The following CWC27 variants were observed in gnomAD, a reference collection of about 807,000 sequenced individuals.
The protein encoded by CWC27 is CWC27 spliceosome associated cyclophilin, also known as spliceosome-associated protein CWC27 homolog.
CWC27 carries 47 observed loss-of-function variants against 63.6 expected under a neutral mutation model. The observed-to-expected ratio is 0.74, with a 90% CI of 0.58 to 0.94. CWC27 has a LOEUF of 0.94. CWC27 is among the 40% of genes least tolerant of loss of function. The pLI is 0.00. For synonymous variants in CWC27, 175 were observed against 179.8 expected (o/e 0.97, Z 0.22); for missense variants, 495 against 554.3 (o/e 0.89, Z 1.07).
chr5:64,957,629 A>G (rs557331092), intron 11 of CWC27, among the ~76,000 whole-genome samples: 1 of 152,148 alleles, frequency 6.6e-6, no homozygotes, highest in Non-Finnish European at 1.5e-5. Context: ...TCTTGTGATC[A>G]TTACTAAGAA....
At chr5:64,898,717 AG>A (rs1747437575) in intron 11 of CWC27, among the ~76,000 whole-genome samples, 1 of 152,186 alleles carries the variant, frequency 6.6e-6, no homozygotes, top group Non-Finnish European at 1.5e-5. Flanking sequence ...TGTTTAAATA[AG>A]ATTGAGGATT....
chr5:64,956,271 G>A (rs191817099), intron 11 of CWC27, among the ~76,000 whole-genome samples: 2 of 152,108 alleles, frequency 1.3e-5, no homozygotes, highest in East Asian at 3.9e-4. Context: ...TATAAAATGT[G>A]GCTGCTCATT....
intron 11 of CWC27, among the ~76,000 whole-genome samples, chr5:64,919,395 G>C (rs778557479): frequency 3.3e-5 from 5 of 152,090 alleles, no homozygotes; most frequent in South Asian, 2.1e-4. Flanking sequence ...TGCAAGTGCA[G>C]GTTTGTTACA....
intron 10 of CWC27, among the ~76,000 whole-genome samples, chr5:64,881,185 C>T (rs1447122978): frequency 6.6e-6 from 1 of 151,988 alleles, no homozygotes; most frequent in Non-Finnish European, 1.5e-5. Context: ...ATTTTGACAA[C>T]ATTGTAAATC....
intron 11 of CWC27, among the ~76,000 whole-genome samples, chr5:64,892,281 T>C (rs1353997475): frequency 6.6e-6 from 1 of 152,226 alleles, no homozygotes; most frequent in Non-Finnish European, 1.5e-5. Flanking sequence ...TACTAATATC[T>C]GTGTCATTCC....
intron 3 of CWC27, 139 bp downstream of exon 3, chr5:64,782,172 G>C (rs1277594481): frequency 4.3e-6 from 2 of 470,266 alleles, no homozygotes; most frequent in African/African-American, 4.0e-5. Flanking sequence ...ATCAGGCTGG[G>C]TGCAGTAGCT....
rs184047222 is a variant in CWC27 at position 64,774,810 on chromosome 5, G to T, written c.139+23G>T. 4.7e-4 allele frequency: 608 copies of T among 1,293,180 alleles called. 1 individual carries two copies. In the African/African-American group the frequency reaches 4.9e-3, roughly 10 times the overall value. 80.1% of individuals were successfully genotyped at this position (1,293,180 alleles called of 1,614,324 possible). On this transcript the variant is annotated intron_variant, in intron 2 of 13. Transcript: ENST00000381070. ...AAGGTATGTTGACTTTTATTCTACT[G>T]GAGAAATTCTTGTTAATTTAAAAAT... is the stretch of plus-strand genomic sequence containing the variant.
chr5:64,821,763 T>C (rs1365250045), intron 10 of CWC27, among the ~76,000 whole-genome samples: 1 of 152,190 alleles, frequency 6.6e-6, no homozygotes, highest in Non-Finnish European at 1.5e-5. Context: ...GTTTAACTTA[T>C]TCAGGATTAC....
chr5:64,924,450 A>G (rs139629071), intron 11 of CWC27, among the ~76,000 whole-genome samples: 1 of 152,318 alleles, frequency 6.6e-6, no homozygotes, highest in East Asian at 1.9e-4. Context: ...AGAATCTGAG[A>G]CTGAACTCCT....
intron 10 of CWC27, among the ~76,000 whole-genome samples, chr5:64,837,929 C>A (rs1203821690): frequency 3.3e-5 from 5 of 152,040 alleles, no homozygotes; most frequent in Non-Finnish European, 7.4e-5. Context: ...GTTGAAGTGT[C>A]CCTCAAAAAG....
At chr5:64,870,338 A>G (rs763169093) in intron 10 of CWC27, among the ~76,000 whole-genome samples, 2 of 152,114 alleles carry the variant, frequency 1.3e-5, no homozygotes, top group Non-Finnish European at 2.9e-5. Context: ...ATTCTGCAAA[A>G]ATAAAAAATC....
At chr5:64,977,964 A>G (rs2112447628) in intron 13 of CWC27, among the ~76,000 whole-genome samples, 1 of 152,228 alleles carries the variant, frequency 6.6e-6, no homozygotes, top group East Asian at 1.9e-4. Context: ...AAGCAAGCCA[A>G]TGTATCACCC....
chr5:64,965,756 CCAAA>C (rs1211729582), intron 11 of CWC27, among the ~76,000 whole-genome samples: 1 of 152,084 alleles, frequency 6.6e-6, no homozygotes, highest in African/African-American at 2.4e-5. Context: ...GATCCTATCA[CCAAA>C]CAGATATTTT....
chr5:64,779,989 A>G (rs1743606073), intron 2 of CWC27, among the ~76,000 whole-genome samples: 2 of 152,152 alleles, frequency 1.3e-5, no homozygotes, highest in Admixed American at 1.3e-4. Flanking sequence ...GGGACTGTCA[A>G]TTAAACCTCT....
chr5:64,954,637 C>T (rs1748771339), intron 11 of CWC27, among the ~76,000 whole-genome samples: 1 of 117,682 alleles, frequency 8.5e-6, no homozygotes, highest in Middle Eastern at 3.6e-3. Context: ...GGCTGCCTGG[C>T]ATATAGAAAG....
At chr5:64,840,414 T>C (rs1265442439) in intron 10 of CWC27, among the ~76,000 whole-genome samples, 2 of 83,392 alleles carry the variant, frequency 2.4e-5, no homozygotes, top group Non-Finnish European at 5.2e-5. Context: ...TATATATATA[T>C]ATATATATAT....
intron 7 of CWC27, among the ~76,000 whole-genome samples, chr5:64,798,549 C>CT (rs1744362768): frequency 6.6e-6 from 1 of 152,052 alleles, no homozygotes; most frequent in Admixed American, 6.6e-5. Context: ...GATTCTATGA[C>CT]TTTTTAAAAC....
chr5:64,972,748 A>C, intron 12 of CWC27: 1 of 442,494 alleles, frequency 2.3e-6, no homozygotes, highest in Non-Finnish European at 4.5e-6. Context: ...TGACTCATTC[A>C]TTCATTCCTT....
At chr5:64,905,370 CT>C (rs976302728) in intron 11 of CWC27, among the ~76,000 whole-genome samples, 3 of 152,088 alleles carry the variant, frequency 2.0e-5, no homozygotes, top group African/African-American at 7.2e-5. Flanking sequence ...ACTTTTCTGG[CT>C]TCTGGTCCAT....
Sources: allele counts gnomAD v4.1 joint callset (sites outside exome capture counted in the v4.1 genomes callset), GRCh38; gene constraint gnomAD v4.1.1; transcripts MANE v1.5; gene names NCBI Gene and HGNC (gene_info 2026-07-23, HGNC 2026-07-21).